The following RNASE10 variants were observed in gnomAD, a reference collection of about 807,000 sequenced individuals.
RNASE10 encodes the protein inactive ribonuclease-like protein 10.
A neutral mutation model predicts 1.1 loss-of-function variants in RNASE10; 2 were observed. That is an observed-to-expected ratio of 1.82 (90% CI 0.74 to 5.73). The LOEUF (loss-of-function observed/expected upper bound fraction) is 5.73. RNASE10 is among the 30% of genes most tolerant of loss of function. The pLI is 0.05. For synonymous variants in RNASE10, 97 were observed against 96.2 expected (o/e 1.01, Z -0.05); for missense variants, 276 against 263.4 (o/e 1.05, Z -0.33).
chr14:20,510,748 G>A lies in RNASE10; in HGVS notation c.361G>A (p.Gly121Ser), dbSNP rs773512323. The A allele has an allele frequency of 1.7e-5, 27 of 1,614,034 alleles. No individual in the cohort carries two copies. Among genetic ancestry groups the A allele is most frequent in the East Asian group, 4.5e-5 (2 of 44,898 alleles). ...CATCCTCGGTGAAGATGAGGTTGGG[G>A]GTAACAAGATGCTCAGAGCCTCAGC... Residue 121 changes from glycine to serine, a missense_variant, in exon 2 of 2, where the codon GGT (glycine) becomes AGT (serine). By Grantham distance (56) the Gly-to-Ser change is moderately conservative (BLOSUM62 0). Transcript: ENST00000430083.
At chr14:20,504,327 T>C (rs1882633594), upstream of RNASE10, among the ~76,000 whole-genome samples, 1 of 152,204 alleles carries the variant, frequency 6.6e-6, no homozygotes, top group Non-Finnish European at 1.5e-5. Context: ...CACAAGAATC[T>C]CTGCAGCTGC....
chr14:20,510,438 C>A (rs751439334), intron 1 of RNASE10, 29 bp from the exon 2 acceptor site: 2 of 1,583,174 alleles, frequency 1.3e-6, no homozygotes, highest in East Asian at 4.5e-5. Context: ...CTCAAAGTCA[C>A]GTTCTTCCAT....
intron 1 of RNASE10, among the ~76,000 whole-genome samples, chr14:20,509,477 A>G (rs1882839632): frequency 6.6e-6 from 1 of 152,234 alleles, no homozygotes; most frequent in African/African-American, 2.4e-5. Context: ...ATGTTAAGAG[A>G]TCTTTAATAG....
upstream of RNASE10, among the ~76,000 whole-genome samples, chr14:20,504,919 C>T (rs142219922): frequency 9.7e-3 from 1,472 of 152,058 alleles, 20 homozygotes; most frequent in African/African-American, 0.033. Flanking sequence ...GGCCAGCCCC[C>T]GCCACACGTA....
chr14:20,508,401 C>G (rs964454623), intron 1 of RNASE10, among the ~76,000 whole-genome samples: 3 of 152,086 alleles, frequency 2.0e-5, no homozygotes, highest in African/African-American at 4.8e-5. Flanking sequence ...AATCTCTCAC[C>G]GTCTCACTCC....
upstream of RNASE10, among the ~76,000 whole-genome samples, chr14:20,504,684 T>A: frequency 3.1e-5 from 1 of 32,514 alleles, no homozygotes; most frequent in Non-Finnish European, 5.1e-5. Context: ...AGAGACTCCG[T>A]CTCAAAAAAA....
upstream of RNASE10, among the ~76,000 whole-genome samples, chr14:20,504,650 C>G (rs1021394123): frequency 2.2e-4 from 31 of 138,282 alleles, no homozygotes; most frequent in African/African-American, 6.1e-4. Flanking sequence ...ATCGCGCCAC[C>G]GCACTCCAGC....
At chr14:20,508,389 G>A (rs541087607) in intron 1 of RNASE10, among the ~76,000 whole-genome samples, 30 of 152,220 alleles carry the variant, frequency 2.0e-4, no homozygotes, top group African/African-American at 6.7e-4. Flanking sequence ...GTAATGTGAT[G>A]AAATCTCTCA....
chr14:20,505,347 T>TCTCCTTCCACGGG (rs1566535933), upstream of RNASE10, among the ~76,000 whole-genome samples: 2 of 68,052 alleles, frequency 2.9e-5, no homozygotes, highest in East Asian at 3.7e-4. Flanking sequence ...CCTTCCACGG[T>TCTCCTTCCACGGG]CTCCCTCTGA....
intron 1 of RNASE10, among the ~76,000 whole-genome samples, chr14:20,506,889 G>A (rs1333468517): frequency 1.5e-5 from 2 of 135,848 alleles, no homozygotes; most frequent in Non-Finnish European, 3.2e-5. Flanking sequence ...GCCCCTACTG[G>A]GAAGTGAGGA....
intron 1 of RNASE10, among the ~76,000 whole-genome samples, chr14:20,506,261 G>A (rs1272913101): frequency 1.5e-5 from 2 of 131,352 alleles, no homozygotes; most frequent in Admixed American, 1.5e-4. Context: ...GCCCCTACTG[G>A]GAAGTGAGGA....
At chr14:20,506,904 C>G in intron 1 of RNASE10, among the ~76,000 whole-genome samples, 1 of 132,412 alleles carries the variant, frequency 7.6e-6, no homozygotes, top group African/African-American at 3.1e-5. Flanking sequence ...TGAGGAGCCC[C>G]TCTGCCTGGC....
chr14:20,505,285 T>A (rs1245571990), upstream of RNASE10, among the ~76,000 whole-genome samples: 1 of 25,722 alleles, frequency 3.9e-5, no homozygotes, highest in Non-Finnish European at 8.1e-5. Flanking sequence ...TCCCTCTCCC[T>A]CTCCCTCTCC....
intron 1 of RNASE10, among the ~76,000 whole-genome samples, chr14:20,506,637 T>C (rs866606367): frequency 0.54 from 27,229 of 50,500 alleles, 5,605 homozygotes; most frequent in African/African-American, 0.71. Flanking sequence ...GCCCCCCGCC[T>C]GGCCAGCCGC....
chr14:20,510,322 C>T (rs1201351432), intron 1 of RNASE10, 145 bp from the exon 2 acceptor site: 16 of 1,201,794 alleles, frequency 1.3e-5, no homozygotes, highest in East Asian at 4.9e-5. Flanking sequence ...AAAGAGAAAT[C>T]GCTGCCTTGA....
At chr14:20,504,688 A>C (rs1407394225), upstream of RNASE10, among the ~76,000 whole-genome samples, 2 of 62,504 alleles carry the variant, frequency 3.2e-5, no homozygotes, top group Non-Finnish European at 5.9e-5. Flanking sequence ...ACTCCGTCTC[A>C]AAAAAAAAAA....
chr14:20,505,361 C>T (rs1356031018), upstream of RNASE10, among the ~76,000 whole-genome samples: 6 of 87,658 alleles, frequency 6.8e-5, no homozygotes, highest in African/African-American at 1.2e-4. Flanking sequence ...CCTCTGATGC[C>T]GAGCCAAAGC....
At chr14:20,504,458 C>T (rs988608980), upstream of RNASE10, among the ~76,000 whole-genome samples, 5 of 152,016 alleles carry the variant, frequency 3.3e-5, no homozygotes, top group South Asian at 2.1e-4. Flanking sequence ...GAGGCCGAGG[C>T]GGGCGGGTCA....
downstream of RNASE10, among the ~76,000 whole-genome samples, chr14:20,511,658 C>T (rs1400751542): frequency 6.6e-6 from 1 of 152,132 alleles, no homozygotes. Context: ...TGGGGGTCTG[C>T]TGGGGAGGTG....
Sources: gnomAD v4.1 joint callset for allele counts (sites outside exome capture counted in the v4.1 genomes callset) on GRCh38, gnomAD v4.1.1 for gene constraint, MANE v1.5 for transcripts, NCBI Gene and HGNC (gene_info 2026-07-23, HGNC 2026-07-21) for gene names.